JAZF1: variants seen among roughly 807,000 people sequenced by gnomAD.
JAZF1 encodes juxtaposed with another zinc finger protein 1.
A neutral mutation model predicts 26.4 loss-of-function variants in JAZF1; 8 were observed. That is an observed-to-expected ratio of 0.30 (90% CI 0.18 to 0.55). JAZF1 has a LOEUF of 0.55. JAZF1 is among the 20% of genes least tolerant of loss of function. JAZF1 has a pLI of 0.94. For missense variants in JAZF1, 199 were observed against 322.0 expected (o/e 0.62, Z 2.92); for synonymous variants, 126 against 122.3 (o/e 1.03, Z -0.20).
At chr7:27,871,896 G>A (rs1444193120) in intron 3 of JAZF1, among the ~76,000 whole-genome samples, 1 of 152,134 alleles carries the variant, frequency 6.6e-6, no homozygotes. Context: ...TGTCAAGGAT[G>A]GAAGGCTGGG....
chr7:28,048,446 A>G (rs1037502740), intron 1 of JAZF1, among the ~76,000 whole-genome samples: 1 of 152,144 alleles, frequency 6.6e-6, no homozygotes, highest in Admixed American at 6.5e-5. Flanking sequence ...TGATTTGAAT[A>G]CTTAGTCCAT....
intron 1 of JAZF1, chr7:28,020,431 C>G (rs79941116): frequency 6.1e-4 from 227 of 373,100 alleles, no homozygotes; most frequent in African/African-American, 4.4e-3. Context: ...CAGAAGGAAA[C>G]AAACGAGGAG....
intron 1 of JAZF1, among the ~76,000 whole-genome samples, chr7:28,168,139 T>C (rs188940662): frequency 6.6e-6 from 1 of 152,160 alleles, no homozygotes; most frequent in Admixed American, 6.5e-5. Context: ...TCCCAGCACT[T>C]TGGGAGGCCG....
At position 28,167,751 on chromosome 7, in the gene JAZF1, G is replaced by T. The variant is rs111700590; in HGVS notation, c.115+12712C>A. On this transcript the variant is annotated intron_variant, in intron 1 of 4. Transcript: ENST00000283928. ...GATAATAATCTTAATACACTTTTAG[G>T]ATTAAGGCTTATCATTTTAGAATTT... Among the ~76,000 whole-genome samples, 560 of 152,182 alleles carry T rather than the reference G, an allele frequency of 3.7e-3. 1 individual carries two copies. Among genetic ancestry groups the T allele is most frequent in the Middle Eastern group, 0.01 (3 of 294 alleles).
At chr7:28,117,851 G>T (rs1384752740) in intron 1 of JAZF1, among the ~76,000 whole-genome samples, 1 of 152,188 alleles carries the variant, frequency 6.6e-6, no homozygotes, top group Non-Finnish European at 1.5e-5. Context: ...CTGCCATTTA[G>T]AAGTTTACAA....
chr7:27,854,595 C>CTG (rs1216421086), intron 3 of JAZF1, among the ~76,000 whole-genome samples: 1 of 152,194 alleles, frequency 6.6e-6, no homozygotes, highest in African/African-American at 2.4e-5. Flanking sequence ...ATTTGCTTCT[C>CTG]TGTAAAGGAT....
chr7:27,924,624 T>C (rs1401052824), intron 2 of JAZF1, among the ~76,000 whole-genome samples: 1 of 152,248 alleles, frequency 6.6e-6, no homozygotes, highest in African/African-American at 2.4e-5. Context: ...AAGGGGCTGA[T>C]TTTTTAAAAT....
intron 2 of JAZF1, among the ~76,000 whole-genome samples, chr7:27,969,141 C>G (rs1298147659): frequency 1.3e-5 from 2 of 152,150 alleles, no homozygotes; most frequent in Non-Finnish European, 2.9e-5. Flanking sequence ...TTCTGAGAGA[C>G]ACAACTATTG....
chr7:27,867,716 G>A (rs1783500064), intron 3 of JAZF1, among the ~76,000 whole-genome samples: 1 of 152,234 alleles, frequency 6.6e-6, no homozygotes, highest in African/African-American at 2.4e-5. Flanking sequence ...TTTTAAGAAT[G>A]AGATCTAAAA....
At chr7:27,990,268 A>C (rs1785872140) in intron 2 of JAZF1, among the ~76,000 whole-genome samples, 1 of 152,134 alleles carries the variant, frequency 6.6e-6, no homozygotes, top group Admixed American at 6.5e-5. Flanking sequence ...GGAACATCAC[A>C]CACCAGAGCC....
intron 1 of JAZF1, among the ~76,000 whole-genome samples, chr7:28,072,037 C>T (rs1324272126): frequency 6.6e-6 from 1 of 152,204 alleles, no homozygotes; most frequent in African/African-American, 2.4e-5. Context: ...GAATCAAACA[C>T]GTCTTCTGTT....
intron 1 of JAZF1, among the ~76,000 whole-genome samples, chr7:28,157,987 C>T (rs1291228107): frequency 7.2e-5 from 11 of 151,984 alleles, no homozygotes; most frequent in Non-Finnish European, 1.6e-4. Context: ...TTGGTTCCTG[C>T]AGCAGGGATT....
intron 1 of JAZF1, among the ~76,000 whole-genome samples, chr7:27,996,421 C>T (rs1786018069): frequency 6.6e-6 from 1 of 152,090 alleles, no homozygotes; most frequent in Non-Finnish European, 1.5e-5. Context: ...CAGTGGGAGG[C>T]CTGAGAGGAT....
intron 2 of JAZF1, among the ~76,000 whole-genome samples, chr7:27,960,790 G>A (rs1785173017): frequency 6.6e-6 from 1 of 152,188 alleles, no homozygotes; most frequent in Non-Finnish European, 1.5e-5. Flanking sequence ...TAACCTGGTG[G>A]AGGCTGCTGG....
Position 28,061,874 on chromosome 7 carries a change from A to T in JAZF1, c.116-69893T>A, listed in dbSNP as rs532191376. On this transcript the variant is annotated intron_variant, in intron 1 of 4. Coordinates refer to ENST00000283928, the MANE Select transcript of JAZF1 (RefSeq NM_175061.4). Reference sequence around the variant, plus strand: ...AAGTATCAAAATCAATCTTATTATCATGAACACATTTTGCCCAGCCATGAA... The same window carrying T: ...AAGTATCAAAATCAATCTTATTATCTTGAACACATTTTGCCCAGCCATGAA... Among the ~76,000 whole-genome samples the T allele has an allele frequency of 5.3e-5, 8 of 152,350 alleles. No homozygotes were observed. The South Asian group carries it at 1.7e-3, about 32-fold the overall frequency.
intron 2 of JAZF1, among the ~76,000 whole-genome samples, chr7:27,905,940 T>C (rs73685852): frequency 0.016 from 2,444 of 152,336 alleles, 56 homozygotes; most frequent in African/African-American, 0.054. Flanking sequence ...CATTACTTTA[T>C]ACTTGCATCA....
chr7:27,991,715 T>C (rs1224643551), intron 2 of JAZF1, among the ~76,000 whole-genome samples, 194 bp downstream of exon 2: 3 of 152,214 alleles, frequency 2.0e-5, no homozygotes, highest in South Asian at 2.1e-4. Flanking sequence ...TTGCAGCATA[T>C]GCACAGAGCA....
At chr7:28,040,660 T>C (rs1783374827) in intron 1 of JAZF1, among the ~76,000 whole-genome samples, 1 of 152,090 alleles carries the variant, frequency 6.6e-6, no homozygotes, top group African/African-American at 2.4e-5. Context: ...TAGAAGTGTG[T>C]TTGGTGGGAT....
At chr7:28,061,600 A>C (rs1783797963) in intron 1 of JAZF1, among the ~76,000 whole-genome samples, 1 of 152,230 alleles carries the variant, frequency 6.6e-6, no homozygotes, top group South Asian at 2.1e-4. Flanking sequence ...AAAGGTGAGC[A>C]TGTTAATAGC....
Sources: gnomAD v4.1 joint callset for allele counts (sites outside exome capture counted in the v4.1 genomes callset) on GRCh38, gnomAD v4.1.1 for gene constraint, MANE v1.5 for transcripts, NCBI Gene and HGNC (gene_info 2026-07-23, HGNC 2026-07-21) for gene names.